The following OR6N1 variants were observed in gnomAD, a reference collection of about 807,000 sequenced individuals.
The protein encoded by OR6N1 is olfactory receptor 6N1.
For synonymous variants in OR6N1, 170 were observed against 150.7 expected, an observed-to-expected ratio of 1.13 and a Z score of -0.94; for missense variants, 394 against 371.7, an observed-to-expected ratio of 1.06 and a Z score of -0.49.
the OR6N1 span, among the ~76,000 whole-genome samples, chr1:158,787,588 T>TTCTCTCTCTCTC: frequency 7.9e-6 from 1 of 126,014 alleles, no homozygotes; most frequent in Admixed American, 8.0e-5. Flanking sequence ...TGTATATACT[T>TTCTCTCTCTCTC]TCTCTCTCTC....
At chr1:158,836,888 A>C in the OR6N1 span, among the ~76,000 whole-genome samples, 5 of 151,814 alleles carry the variant, frequency 3.3e-5, no homozygotes, top group African/African-American at 1.2e-4. Flanking sequence ...TTTGCATTTA[A>C]TGAAATGATA....
At chr1:158,805,260 C>G in the OR6N1 span, among the ~76,000 whole-genome samples, 1 of 152,174 alleles carries the variant, frequency 6.6e-6, no homozygotes, top group Non-Finnish European at 1.5e-5. Flanking sequence ...GATTATGCTG[C>G]CTTTCAGACG....
chr1:158,796,698 T>C, the OR6N1 span, among the ~76,000 whole-genome samples: 1 of 152,204 alleles, frequency 6.6e-6, no homozygotes, highest in Non-Finnish European at 1.5e-5. Context: ...AACTTCCCTA[T>C]TGCTGTCTTA....
At chr1:158,837,126 G>A in the OR6N1 span, among the ~76,000 whole-genome samples, 11 of 151,940 alleles carry the variant, frequency 7.2e-5, no homozygotes, top group Middle Eastern at 6.8e-3. Flanking sequence ...TGTGGTATAT[G>A]TTGGGACAAT....
chr1:158,792,418 G>A, the OR6N1 span, among the ~76,000 whole-genome samples: 4 of 152,052 alleles, frequency 2.6e-5, no homozygotes, highest in Non-Finnish European at 5.9e-5. Context: ...GAGATGTGAG[G>A]TACTGTTCCA....
chr1:158,777,710 TTC>T, the OR6N1 span: 218 of 883,206 alleles, frequency 2.5e-4, no homozygotes, highest in Non-Finnish European at 3.3e-4. Flanking sequence ...AAAACTTCAT[TTC>T]TCTCTCTCTC....
At chr1:158,823,587 G>T in the OR6N1 span, among the ~76,000 whole-genome samples, 1 of 151,422 alleles carries the variant, frequency 6.6e-6, no homozygotes, top group African/African-American at 2.4e-5. Flanking sequence ...TGCTTATTTG[G>T]ATCGTCTCTC....
upstream of OR6N1, among the ~76,000 whole-genome samples, chr1:158,773,158 T>A (rs1248458706): frequency 9.3e-6 from 1 of 107,178 alleles, no homozygotes; most frequent in Non-Finnish European, 1.9e-5. Flanking sequence ...TTCTATCTCC[T>A]AATTTATTTC....
rs780020137 is a variant in OR6N1 at position 158,765,910 on chromosome 1, A to G, written c.773T>C (p.Met258Thr). ...GTAGCTCTTCTTCAGCTGCACATACATGGAAAGGATGCTCCCATAGAAGAT... is the reference window on the plus strand; with the variant it reads ...GTAGCTCTTCTTCAGCTGCACATACGTGGAAAGGATGCTCCCATAGAAGAT... ...VLIFYGSILS[M>T]YVQLKKSYSL... Residue 258 changes from methionine (M) to threonine (T), a missense_variant, in exon 2 of 2, where the codon ATG becomes ACG. Coordinates refer to ENST00000641846, the MANE Select transcript of OR6N1 (RefSeq NM_001005185.2). The G allele has an allele frequency of 1.2e-6, 2 of 1,614,162 alleles. No homozygotes were observed. Among genetic ancestry groups the G allele is most frequent in the Admixed American group, 1.7e-5 (1 of 60,024 alleles).
intron 1 of OR6N1, among the ~76,000 whole-genome samples, chr1:158,769,443 CA>C (rs2102009207): frequency 6.6e-6 from 1 of 152,226 alleles, no homozygotes; most frequent in East Asian, 1.9e-4. Context: ...GGATTACAGG[CA>C]TAAGTCACCA....
the OR6N1 span, among the ~76,000 whole-genome samples, chr1:158,807,410 T>C: frequency 6.6e-6 from 1 of 152,180 alleles, no homozygotes; most frequent in African/African-American, 2.4e-5. Context: ...GGTCCTATTT[T>C]CTCACTAATT....
intron 1 of OR6N1, among the ~76,000 whole-genome samples, chr1:158,769,492 G>A (rs965525256): frequency 6.6e-6 from 1 of 152,056 alleles, no homozygotes; most frequent in East Asian, 1.9e-4. Context: ...TTGAAGTGAA[G>A]AAACTGTCAG....
the OR6N1 span, among the ~76,000 whole-genome samples, chr1:158,812,565 C>T: frequency 6.5e-4 from 99 of 152,096 alleles, no homozygotes; most frequent in Admixed American, 2.2e-3. Context: ...CTATAGTGTT[C>T]GGTGAAGAAA....
chr1:158,832,736 G>A, the OR6N1 span, among the ~76,000 whole-genome samples: 1 of 151,906 alleles, frequency 6.6e-6, no homozygotes, highest in South Asian at 2.1e-4. Flanking sequence ...CTTTCTTTAA[G>A]TTAGAGTTTG....
At chr1:158,779,241 T>G in the OR6N1 span, among the ~76,000 whole-genome samples, 1 of 152,094 alleles carries the variant, frequency 6.6e-6, no homozygotes, top group African/African-American at 2.4e-5. Context: ...CAATGCAACT[T>G]TAAATGCATA....
At chr1:158,813,635 A>G in the OR6N1 span, among the ~76,000 whole-genome samples, 1 of 151,784 alleles carries the variant, frequency 6.6e-6, no homozygotes, top group African/African-American at 2.4e-5. Context: ...AGTTAAAGCA[A>G]CACTCTTCTC....
chr1:158,791,205 G>A, the OR6N1 span, among the ~76,000 whole-genome samples: 17 of 152,130 alleles, frequency 1.1e-4, no homozygotes, highest in Non-Finnish European at 1.6e-4. Context: ...ATTGCCCAAC[G>A]CAATCTACAA....
At chr1:158,777,683 A>G in the OR6N1 span, 2 of 1,232,960 alleles carry the variant, frequency 1.6e-6, no homozygotes, top group Non-Finnish European at 2.3e-6. Context: ...GATTGAGATG[A>G]CTGCTGAATC....
At position 158,765,870 on chromosome 1, in the gene OR6N1, G is replaced by C; in HGVS notation, c.813C>G (p.Asp271Glu). 6.2e-7 allele frequency: 1 copy of C among 1,614,122 alleles called. No homozygotes were observed. The highest frequency in any genetic ancestry group is 8.5e-7 in the Non-Finnish European group (1 of 1,179,984). Residue 271 changes from aspartate to glutamate, a missense_variant, in exon 2 of 2, where the codon GAC becomes GAG. Asp to Glu is a conservative substitution (Grantham distance 45). Transcript: ENST00000641846. ...CTGAGTAGACCACTGCCAGGGCCTG[G>C]TCATAGTCCAGTGAGTAGCTCTTCT... is the stretch of plus-strand genomic sequence containing the variant. Reference protein sequence around the residue: ...QLKKSYSLDYDQALAVVYSVL... With the variant: ...QLKKSYSLDYEQALAVVYSVL...
Sources: gnomAD v4.1 joint callset for allele counts (sites outside exome capture counted in the v4.1 genomes callset) on GRCh38, gnomAD v4.1.1 for gene constraint, MANE v1.5 for transcripts, NCBI Gene and HGNC (gene_info 2026-07-23, HGNC 2026-07-21) for gene names.